Variants in CTNNA2 observed in about 807,000 individuals in gnomAD.
CTNNA2 encodes the protein catenin alpha-2.
In CTNNA2, 42 loss-of-function variants were observed where a neutral mutation model predicts 101.0. That is an observed-to-expected ratio of 0.42 (90% CI 0.32 to 0.54). CTNNA2 has a LOEUF of 0.54. Among genes scored for constraint, CTNNA2 ranks in the 20% least tolerant of loss-of-function variants. The pLI, the probability that CTNNA2 is intolerant of heterozygous loss-of-function variation, is 0.14. For synonymous variants in CTNNA2, 450 were observed against 456.4 expected (o/e 0.99, Z 0.18); for missense variants, 871 against 1,223.1 (o/e 0.71, Z 4.29).
At chr2:80,579,370 G>A (rs1454038895) in intron 13 of CTNNA2, 1 of 152,070 alleles carries the variant, frequency 6.6e-6, no homozygotes, top group Non-Finnish European at 1.5e-5. Flanking sequence ...TGTTGAATGA[G>A]ATTTTTCGAT....
chr2:79,976,899 ACAT>A (rs1440759215), intron 7 of CTNNA2, among the ~76,000 whole-genome samples: 2 of 152,130 alleles, frequency 1.3e-5, no homozygotes, highest in African/African-American at 4.8e-5. Context: ...GCATTTAGGC[ACAT>A]CATGGCTTCC....
chr2:79,806,124 T>C (rs180820346), intron 3 of CTNNA2, among the ~76,000 whole-genome samples: 30 of 152,214 alleles, frequency 2.0e-4, no homozygotes, highest in Admixed American at 1.5e-3. Flanking sequence ...ACTACTACTA[T>C]AGATTCAAAT....
At chr2:79,726,940 A>G (rs545117890) in intron 2 of CTNNA2, among the ~76,000 whole-genome samples, 2 of 152,352 alleles carry the variant, frequency 1.3e-5, no homozygotes, top group South Asian at 4.1e-4. Flanking sequence ...GGTTTTAAAT[A>G]GTCTAATTAG....
intron 3 of CTNNA2, among the ~76,000 whole-genome samples, chr2:79,822,096 GCC>G (rs1355601680): frequency 1.3e-5 from 2 of 152,114 alleles, no homozygotes; most frequent in Non-Finnish European, 2.9e-5. Context: ...TATCTGCCTA[GCC>G]TTCGGTAGCT....
chr2:80,015,570 A>G, intron 7 of CTNNA2, among the ~76,000 whole-genome samples: 1 of 152,160 alleles, frequency 6.6e-6, no homozygotes, highest in East Asian at 1.9e-4. Context: ...TGGTGTGTGC[A>G]GAAGGATACG....
At chr2:80,091,309 AG>A (rs1699775972) in intron 7 of CTNNA2, among the ~76,000 whole-genome samples, 1 of 152,084 alleles carries the variant, frequency 6.6e-6, no homozygotes, top group Non-Finnish European at 1.5e-5. Context: ...TGAAGGTTTA[AG>A]GGCCATTGTC....
intron 7 of CTNNA2, among the ~76,000 whole-genome samples, chr2:80,216,824 G>A (rs1708293776): frequency 6.7e-6 from 1 of 148,398 alleles, no homozygotes; most frequent in Non-Finnish European, 1.5e-5. Context: ...GCCTGACTTA[G>A]CCTAAGCTAT....
intron 9 of CTNNA2, among the ~76,000 whole-genome samples, chr2:80,544,360 A>G (rs1691852544): frequency 6.6e-6 from 1 of 152,060 alleles, no homozygotes; most frequent in Non-Finnish European, 1.5e-5. Flanking sequence ...GGAGGCCATC[A>G]AATTTGAATG....
rs913140987 is a variant in CTNNA2 at position 79,566,521 on chromosome 2, G to A, written c.-6+53314G>A. Among the ~76,000 whole-genome samples the A allele has an allele frequency of 4.1e-4, 62 of 152,184 alleles. 1 individual carries two copies. The highest frequency in any genetic ancestry group is 1.4e-3 in the African/African-American group (60 of 41,530). ...GTCAAATCTATTGCATATTGAAATT[G>A]TATATTGATATGCAGATACCCAAAA... On this transcript the variant is annotated intron_variant, in intron 1 of 18. Transcript: ENST00000402739.
Position 79,636,695 on chromosome 2 carries a change from TATAATTTTGA to T in CTNNA2, c.-5-14839_-5-14830del, listed in dbSNP as rs1305164141. Among the ~76,000 whole-genome samples the T allele has an allele frequency of 5.9e-5, 9 of 152,298 alleles. No individual in the cohort carries two copies. In the East Asian group the frequency reaches 7.7e-4, roughly 13 times the overall value. On this transcript the variant is annotated intron_variant, in intron 1 of 18. Coordinates refer to ENST00000402739, the MANE Select transcript of CTNNA2 (RefSeq NM_001282597.3). ...ATAAATGTATAAGGTGAAAAATATA[TATAATTTTGA>T]ATAATTTTGAATAATTTAAGAATCA...
At chr2:80,644,138 G>A (rs1388834417) in intron 18 of CTNNA2, among the ~76,000 whole-genome samples, 7 of 152,052 alleles carry the variant, frequency 4.6e-5, no homozygotes, top group Non-Finnish European at 1.0e-4. Flanking sequence ...GAGAGAGATA[G>A]TAGTGGTCCT....
intron 1 of CTNNA2, among the ~76,000 whole-genome samples, chr2:79,628,962 G>A (rs1038707633): frequency 2.0e-5 from 3 of 152,188 alleles, no homozygotes; most frequent in Admixed American, 2.0e-4. Context: ...ATAAATTGAT[G>A]TAAGCTGATT....
intron 7 of CTNNA2, among the ~76,000 whole-genome samples, chr2:79,932,141 T>A (rs138808058): frequency 4.7e-4 from 72 of 152,260 alleles, no homozygotes; most frequent in Admixed American, 1.6e-3. Flanking sequence ...GGAGCAACTC[T>A]TACTGTTGTA....
At chr2:79,498,623 C>T (rs1438937344) in intron 4 of CTNNA2, among the ~76,000 whole-genome samples, 1 of 152,050 alleles carries the variant, frequency 6.6e-6, no homozygotes, top group Non-Finnish European at 1.5e-5. Flanking sequence ...ACAAGGACAC[C>T]ATAACTTTCA....
intron 3 of CTNNA2, among the ~76,000 whole-genome samples, chr2:79,768,985 G>T (rs982034796): frequency 2.0e-5 from 3 of 152,096 alleles, no homozygotes; most frequent in Non-Finnish European, 4.4e-5. Flanking sequence ...CTCCTGAGTA[G>T]CTGGGACTAT....
intron 18 of CTNNA2, among the ~76,000 whole-genome samples, chr2:80,637,407 T>TAA (rs1192508239): frequency 3.3e-5 from 5 of 152,144 alleles, no homozygotes; most frequent in African/African-American, 1.2e-4. Context: ...ACTCAGGCTT[T>TAA]AAGTCTAGAG....
intron 7 of CTNNA2, among the ~76,000 whole-genome samples, chr2:80,330,167 T>C (rs2149261251): frequency 6.6e-6 from 1 of 152,388 alleles, no homozygotes; most frequent in East Asian, 1.9e-4. Flanking sequence ...GTTAATTTGC[T>C]CGGAATTCAT....
chr2:80,312,894 A>T (rs1677728328), intron 7 of CTNNA2, among the ~76,000 whole-genome samples: 1 of 152,200 alleles, frequency 6.6e-6, no homozygotes, highest in South Asian at 2.1e-4. Context: ...GAGACATGAG[A>T]ATTGCCACAT....
chr2:80,642,360 A>T (rs940447145), intron 18 of CTNNA2, among the ~76,000 whole-genome samples: 1 of 152,132 alleles, frequency 6.6e-6, no homozygotes, highest in Admixed American at 6.6e-5. Flanking sequence ...ACTGTCATAC[A>T]GTGTTAAAAC....
Sources: gnomAD v4.1 joint callset for allele counts (sites outside exome capture counted in the v4.1 genomes callset) on GRCh38, gnomAD v4.1.1 for gene constraint, MANE v1.5 for transcripts, NCBI Gene and HGNC (gene_info 2026-07-23, HGNC 2026-07-21) for gene names.